Variants in MALT1 observed in about 807,000 individuals in gnomAD.
The protein encoded by MALT1 is mucosa-associated lymphoid tissue lymphoma translocation protein 1.
Under a neutral mutation model 85.5 loss-of-function variants are expected in MALT1, and 36 were observed. That is an observed-to-expected ratio of 0.42 (90% CI 0.32 to 0.56). MALT1 has a LOEUF of 0.56. Among genes scored for constraint, MALT1 ranks in the 20% least tolerant of loss-of-function variants. The pLI is 0.10. For synonymous variants in MALT1, 359 were observed against 361.3 expected, an observed-to-expected ratio of 0.99 and a Z score of 0.07; for missense variants, 716 against 981.6, an observed-to-expected ratio of 0.73 and a Z score of 3.62.
chr18:58,708,487 A>G (rs533594638), intron 4 of MALT1, among the ~76,000 whole-genome samples: 1 of 152,304 alleles, frequency 6.6e-6, no homozygotes, highest in South Asian at 2.1e-4. Flanking sequence ...TTTGTAAAAC[A>G]TTCAGCTGGC....
At chr18:58,705,957 C>T (rs1477544199) in intron 4 of MALT1, among the ~76,000 whole-genome samples, 1 of 152,058 alleles carries the variant, frequency 6.6e-6, no homozygotes, top group Non-Finnish European at 1.5e-5. Flanking sequence ...TAAAAGTGTT[C>T]CTATTTCTCC....
At chr18:58,711,836 T>C (rs1381924975) in intron 7 of MALT1, among the ~76,000 whole-genome samples, 1 of 152,228 alleles carries the variant, frequency 6.6e-6, no homozygotes, top group Non-Finnish European at 1.5e-5. Flanking sequence ...CATCCTAATA[T>C]GTAGTTGCAA....
intron 4 of MALT1, among the ~76,000 whole-genome samples, chr18:58,702,914 A>C (rs941216175): frequency 4.6e-5 from 7 of 152,264 alleles, no homozygotes; most frequent in African/African-American, 1.7e-4. Context: ...TTTGGTGCAC[A>C]GTCAAGAACC....
In MALT1 at chr18:58,745,707, TG is replaced by T; in HGVS notation, c.1954del (p.Glu652LysfsTer27). The T allele has an allele frequency of 6.2e-7, 1 of 1,613,470 alleles. No individual in the cohort carries two copies. The highest frequency in any genetic ancestry group is 8.5e-7 in the Non-Finnish European group (1 of 1,179,514). On this transcript the variant is annotated frameshift_variant, in exon 16 of 17. Coordinates refer to ENST00000649217, the MANE Select transcript of MALT1 (RefSeq NM_006785.4). LOFTEE classifies it high-confidence loss of function. Reference sequence around the variant, plus strand: ...CAAAAGATGCAAATAAAGGCACACCTGAAGAAACTGGCAGCTACTTGGTATC... The same window carrying T: ...CAAAAGATGCAAATAAAGGCACACCTAAGAAACTGGCAGCTACTTGGTATC... ...DPKDANKGTPEETGSYLVSKD... is the reference protein window; with the variant it reads ...DPKDANKGTPXETGSYLVSKD...
chr18:58,747,262 T>G (rs1438966527), intron 16 of MALT1, 143 bp from the exon 17 acceptor site: 1 of 616,682 alleles, frequency 1.6e-6, no homozygotes, highest in Admixed American at 2.9e-5. Flanking sequence ...CAGGGAGATA[T>G]AAAGGATGCC....
intron 12 of MALT1, 69 bp from the exon 13 acceptor site, chr18:58,735,133 C>A: frequency 7.4e-7 from 1 of 1,342,382 alleles, no homozygotes. Context: ...TATTAGCATC[C>A]ACATATAAGT....
intron 2 of MALT1, among the ~76,000 whole-genome samples, chr18:58,684,971 A>G (rs1371368142): frequency 6.6e-6 from 1 of 152,160 alleles, no homozygotes; most frequent in African/African-American, 2.4e-5. Context: ...CTGTGAGTTT[A>G]GAGATGAATA....
chr18:58,686,623 A>G (rs2054407794), intron 2 of MALT1, among the ~76,000 whole-genome samples: 2 of 152,224 alleles, frequency 1.3e-5, no homozygotes, highest in Non-Finnish European at 2.9e-5. Context: ...TGTCTGTGGC[A>G]GGGTCATGTG....
chr18:58,709,481 T>G lies in MALT1; in HGVS notation c.753T>G (p.Val251=). ...GSTLVLQCVA[V]GSPIPHYQWF... ...CATTGGTTTTACAGTGTGTTGCTGTTGGAAGCCCTATTCCTCACTACCAGT... is the reference window on the plus strand; with the variant it reads ...CATTGGTTTTACAGTGTGTTGCTGTGGGAAGCCCTATTCCTCACTACCAGT... Residue 251 remains valine, a synonymous_variant, in exon 5 of 17, where the codon GTT becomes GTG. Transcript: ENST00000649217. 1 of 1,613,620 alleles carries G rather than the reference T, an allele frequency of 6.2e-7. No homozygotes were observed. Among genetic ancestry groups the G allele is most frequent in the Non-Finnish European group, 8.5e-7 (1 of 1,179,748 alleles).
chr18:58,702,515 G>A (rs2054688028), intron 4 of MALT1, among the ~76,000 whole-genome samples: 1 of 152,182 alleles, frequency 6.6e-6, no homozygotes, highest in Non-Finnish European at 1.5e-5. Flanking sequence ...CATAGCATTT[G>A]AGACCTGATA....
chr18:58,693,498 T>C (rs1162812274), intron 2 of MALT1, among the ~76,000 whole-genome samples: 1 of 152,170 alleles, frequency 6.6e-6, no homozygotes, highest in Non-Finnish European at 1.5e-5. Flanking sequence ...TCAGTGTAGA[T>C]GAAACAGCCT....
chr18:58,717,732 T>TG lies in MALT1; in HGVS notation c.1018+1765_1018+1766insG, dbSNP rs200840866. On this transcript the variant is annotated intron_variant, in intron 9 of 16. Transcript: ENST00000649217. ...CTGCACTCCAGCCTGGGCGACAGAG[T>TG]AAGACTCTTGTCTCAAAAAAAAAAA... Among the ~76,000 whole-genome samples, 148 of 123,476 alleles carry TG rather than the reference T, an allele frequency of 1.2e-3. No individual in the cohort carries two copies. In the East Asian group the frequency reaches 0.028, roughly 24 times the overall value. The allele number at this position is 123,476 out of a possible 152,430, so 81.0% of individuals were successfully genotyped here.
chr18:58,700,924 C>T (rs1277237024), intron 4 of MALT1, among the ~76,000 whole-genome samples: 1 of 152,052 alleles, frequency 6.6e-6, no homozygotes, highest in Non-Finnish European at 1.5e-5. Flanking sequence ...TCCTGAGTAG[C>T]TGGGATTACA....
intron 13 of MALT1, among the ~76,000 whole-genome samples, chr18:58,741,145 C>T (rs949243375): frequency 1.3e-5 from 2 of 152,100 alleles, no homozygotes; most frequent in Admixed American, 1.3e-4. Context: ...TGTCATTCTG[C>T]TTTGCTGTAG....
In MALT1 at chr18:58,753,718, C is replaced by G. The variant is rs2055477355; in HGVS notation, c.*5876C>G. ...TGTCTTGCAGATTTTACACAGTGAA[C>G]AATGACTGTATAATTTTAAAATACA... On this transcript the variant is annotated 3_prime_UTR_variant, in exon 17 of 17. Transcript: ENST00000649217. 1 of 152,178 alleles carries G rather than the reference C, an allele frequency of 6.6e-6. No individual in the cohort carries two copies. The highest frequency in any genetic ancestry group is 6.5e-5 in the Admixed American group (1 of 15,276). The allele number at this position is 152,178 out of a possible 1,614,324, so 9.4% of individuals were successfully genotyped here. A position where few individuals can be genotyped will look rare whatever the true frequency, so the allele number is the denominator to read the frequency against.
At chr18:58,678,452 T>G (rs1220801381) in intron 1 of MALT1, among the ~76,000 whole-genome samples, 1 of 152,182 alleles carries the variant, frequency 6.6e-6, no homozygotes, top group East Asian at 1.9e-4. Context: ...GGATTTTATG[T>G]CTGCGTGTGT....
At chr18:58,740,307 T>G (rs2055284684) in intron 13 of MALT1, among the ~76,000 whole-genome samples, 1 of 152,180 alleles carries the variant, frequency 6.6e-6, no homozygotes, top group African/African-American at 2.4e-5. Flanking sequence ...TTTCTTCTAC[T>G]TTTTCATTGT....
chr18:58,743,245 AG>A (rs1048360762), intron 14 of MALT1, among the ~76,000 whole-genome samples: 2 of 152,090 alleles, frequency 1.3e-5, no homozygotes, highest in Non-Finnish European at 2.9e-5. Flanking sequence ...TCATGGTGGC[AG>A]GTGCCTGTAA....
intron 9 of MALT1, among the ~76,000 whole-genome samples, chr18:58,718,148 A>G (rs1249722797): frequency 6.6e-6 from 1 of 152,226 alleles, no homozygotes; most frequent in Non-Finnish European, 1.5e-5. Flanking sequence ...GCTCAGGATT[A>G]TACAATGTAG....
Sources: gnomAD v4.1 joint callset for allele counts (sites outside exome capture counted in the v4.1 genomes callset) on GRCh38, gnomAD v4.1.1 for gene constraint, MANE v1.5 for transcripts, NCBI Gene and HGNC (gene_info 2026-07-23, HGNC 2026-07-21) for gene names.